Variants in EXOC4 observed in about 807,000 individuals in gnomAD.
The protein encoded by EXOC4 is exocyst complex component 4, also known as SEC8-like 1.
In EXOC4, 71 loss-of-function variants were observed where a neutral mutation model predicts 107.2. The observed-to-expected ratio is 0.66, with a 90% confidence interval of 0.55 to 0.81. EXOC4 has a LOEUF of 0.81. EXOC4 is among the 30% of genes least tolerant of loss of function. EXOC4 has a pLI of 0.00. For missense variants in EXOC4, 1,108 were observed against 1,189.6 expected (o/e 0.93, Z 1.01); for synonymous variants, 456 against 441.2 (o/e 1.03, Z -0.42).
At chr7:133,706,854 C>G (rs184060405) in intron 10 of EXOC4, among the ~76,000 whole-genome samples, 3 of 152,266 alleles carry the variant, frequency 2.0e-5, no homozygotes, top group Admixed American at 1.3e-4. Flanking sequence ...CTAATCCCAT[C>G]ATGAGATCCC....
At chr7:133,841,559 C>T (rs1445233363) in intron 11 of EXOC4, among the ~76,000 whole-genome samples, 1 of 152,078 alleles carries the variant, frequency 6.6e-6, no homozygotes, top group Non-Finnish European at 1.5e-5. Flanking sequence ...ATTTTTCCTG[C>T]CTCCTTCCTC....
intron 9 of EXOC4, among the ~76,000 whole-genome samples, chr7:133,607,773 G>A (rs2150993333): frequency 6.6e-6 from 1 of 152,304 alleles, no homozygotes; most frequent in South Asian, 2.1e-4. Flanking sequence ...TATTATAATG[G>A]AGAAATTTGC....
At chr7:133,517,979 A>G (rs1041778451) in intron 9 of EXOC4, among the ~76,000 whole-genome samples, 3 of 151,580 alleles carry the variant, frequency 2.0e-5, no homozygotes, top group African/African-American at 7.3e-5. Context: ...AGTTCTTATG[A>G]TTTGGACTGG....
intron 5 of EXOC4, among the ~76,000 whole-genome samples, chr7:133,343,031 AT>A (rs1795701031): frequency 6.6e-6 from 1 of 151,802 alleles, no homozygotes; most frequent in Admixed American, 6.6e-5. Context: ...CAATTCAGTG[AT>A]TTCTGCTTGG....
intron 10 of EXOC4, among the ~76,000 whole-genome samples, chr7:133,727,978 T>C (rs916774926): frequency 1.3e-5 from 2 of 152,250 alleles, no homozygotes; most frequent in African/African-American, 4.8e-5. Flanking sequence ...ATTTTTCATT[T>C]TACACTCCTT....
At chr7:133,859,418 A>G (rs965864972) in intron 11 of EXOC4, among the ~76,000 whole-genome samples, 2 of 152,166 alleles carry the variant, frequency 1.3e-5, no homozygotes, top group Non-Finnish European at 2.9e-5. Flanking sequence ...GCTGGGCTTG[A>G]AAGTACTGCT....
chr7:134,078,081 G>A, the EXOC4 span, among the ~76,000 whole-genome samples: 2 of 152,124 alleles, frequency 1.3e-5, no homozygotes, highest in South Asian at 4.1e-4. Flanking sequence ...AACTTATTTT[G>A]CTTTCTTTTT....
chr7:133,660,661 C>T lies in EXOC4; in HGVS notation c.1514+30520C>T, dbSNP rs1037314526. 4.6e-5 allele frequency among the ~76,000 whole-genome samples: 7 copies of T among 152,132 alleles called. 1 individual carries two copies. Among genetic ancestry groups the T allele is most frequent in the Admixed American group, 3.9e-4 (6 of 15,276 alleles). ...ACCTTTGAGTGAAATTTACAGCTTTCCTTATCTTTTTAAAAAAATTATTCT... is the reference window on the plus strand; with the variant it reads ...ACCTTTGAGTGAAATTTACAGCTTTTCTTATCTTTTTAAAAAAATTATTCT... On this transcript the variant is annotated intron_variant, in intron 10 of 17. Transcript: ENST00000253861.
intron 14 of EXOC4, 152 bp from the exon 15 acceptor site, chr7:133,997,340 G>T: frequency 1.4e-6 from 1 of 707,896 alleles, no homozygotes; most frequent in Non-Finnish European, 2.3e-6. Context: ...ATCAAATATA[G>T]AAATTGTCTA....
chr7:134,027,961 C>T (rs964133688), intron 17 of EXOC4, among the ~76,000 whole-genome samples: 1 of 152,194 alleles, frequency 6.6e-6, no homozygotes, highest in Non-Finnish European at 1.5e-5. Flanking sequence ...TTTCTGGGCT[C>T]CCTCCTGGAG....
chr7:133,942,119 A>G lies in EXOC4; in HGVS notation c.2206+4050A>G, dbSNP rs182227804. Among the ~76,000 whole-genome samples the G allele has an allele frequency of 1.6e-3, 247 of 152,308 alleles. 1 individual carries two copies. Among genetic ancestry groups the G allele is most frequent in the Non-Finnish European group, 3.0e-3 (206 of 68,034 alleles). On this transcript the variant is annotated intron_variant, in intron 14 of 17. Transcript: ENST00000253861. ...GATTGTTTTTAAAAATAGACTACAC[A>G]GAATTTGAAGGAGGCTCAAGGGCTT...
chr7:133,462,353 C>T (rs757511872), intron 7 of EXOC4, among the ~76,000 whole-genome samples: 2 of 152,172 alleles, frequency 1.3e-5, no homozygotes, highest in Non-Finnish European at 2.9e-5. Context: ...ATGATTTATT[C>T]TACCCACCAG....
At chr7:133,536,765 G>A (rs1258501575) in intron 9 of EXOC4, among the ~76,000 whole-genome samples, 1 of 151,996 alleles carries the variant, frequency 6.6e-6, no homozygotes, top group Non-Finnish European at 1.5e-5. Flanking sequence ...TCACATGTGT[G>A]CTCCATTCCT....
chr7:133,776,559 G>A (rs1020752946), intron 10 of EXOC4, among the ~76,000 whole-genome samples: 1 of 152,166 alleles, frequency 6.6e-6, no homozygotes, highest in Non-Finnish European at 1.5e-5. Context: ...TCCATTGTCA[G>A]TGTGGACACG....
At chr7:133,350,613 T>C (rs1035278206) in intron 5 of EXOC4, among the ~76,000 whole-genome samples, 5 of 152,060 alleles carry the variant, frequency 3.3e-5, no homozygotes, top group Non-Finnish European at 5.9e-5. Flanking sequence ...AGTTTTGAAA[T>C]GAAGTATGAG....
intron 9 of EXOC4, among the ~76,000 whole-genome samples, chr7:133,609,725 G>A (rs1802033655): frequency 6.6e-6 from 1 of 152,240 alleles, no homozygotes; most frequent in South Asian, 2.1e-4. Flanking sequence ...TAGACACGGT[G>A]GGCCAGGTGG....
chr7:133,511,492 G>A (rs1799768270), intron 9 of EXOC4, among the ~76,000 whole-genome samples: 1 of 152,168 alleles, frequency 6.6e-6, no homozygotes, highest in Non-Finnish European at 1.5e-5. Context: ...TGGCACGGGA[G>A]TAGGAGCGGG....
chr7:133,945,942 G>A (rs1213418123), intron 14 of EXOC4, among the ~76,000 whole-genome samples: 2 of 152,154 alleles, frequency 1.3e-5, no homozygotes, highest in Non-Finnish European at 2.9e-5. Flanking sequence ...AATCTGTCGT[G>A]TTTCAGGTTT....
At chr7:133,898,367 G>A (rs889899505) in intron 12 of EXOC4, among the ~76,000 whole-genome samples, 2 of 152,048 alleles carry the variant, frequency 1.3e-5, no homozygotes, top group Non-Finnish European at 1.5e-5. Flanking sequence ...TAGAGTCTTG[G>A]ATTTTCAGTT....
Sources: allele counts gnomAD v4.1 joint callset (sites outside exome capture counted in the v4.1 genomes callset), GRCh38; gene constraint gnomAD v4.1.1; transcripts MANE v1.5; gene names NCBI Gene and HGNC (gene_info 2026-07-23, HGNC 2026-07-21).